The following COL18A1 variants were observed in gnomAD, a reference collection of about 807,000 sequenced individuals.
COL18A1 encodes the protein collagen alpha-1(XVIII) chain.
A neutral mutation model predicts 168.0 loss-of-function variants in COL18A1; 133 were observed. That is an observed-to-expected ratio of 0.79 (90% CI 0.69 to 0.91). The LOEUF (loss-of-function observed/expected upper bound fraction) is 0.91, where lower values mean the gene tolerates loss of function less well. COL18A1 is among the 40% of genes least tolerant of loss of function. The pLI is 0.00. For missense variants in COL18A1, 2,126 were observed against 1,925.4 expected (o/e 1.10, Z -1.95); for synonymous variants, 949 against 809.0 (o/e 1.17, Z -2.94).
Position 45,512,514 on chromosome 21 carries a change from G to T in COL18A1, c.*116G>T. Reference sequence around the variant, plus strand: ...CAGGACCTGGCTGCCATACTTTCCTGTATAGTTCACGTTTCATGTAATCCT... The same window carrying T: ...CAGGACCTGGCTGCCATACTTTCCTTTATAGTTCACGTTTCATGTAATCCT... On this transcript the variant is annotated 3_prime_UTR_variant, in exon 42 of 42. Coordinates refer to ENST00000651438, the MANE Select transcript of COL18A1 (RefSeq NM_001379500.1). The T allele has an allele frequency of 1.1e-6, 1 of 910,348 alleles. No homozygotes were observed. Among genetic ancestry groups the T allele is most frequent in the South Asian group, 1.4e-5 (1 of 69,058 alleles). 56.4% of individuals were successfully genotyped at this position (910,348 alleles called of 1,614,324 possible). A position where few individuals can be genotyped will look rare whatever the true frequency, so the allele number is the denominator to read the frequency against.
At chr21:45,452,806 T>C (rs1602413370) in intron 2 of COL18A1, among the ~76,000 whole-genome samples, 1 of 151,960 alleles carries the variant, frequency 6.6e-6, no homozygotes, top group Admixed American at 6.5e-5. Flanking sequence ...ACATATGTGA[T>C]TGTGTATGCA....
Position 45,512,854 on chromosome 21 carries a change from A to G in COL18A1, c.*456A>G, listed in dbSNP as rs1184107289. 1.1e-5 allele frequency: 3 copies of G among 269,924 alleles called. No homozygotes were observed. The highest frequency in any genetic ancestry group is 1.0e-4 in the East Asian group (1 of 9,694). 16.7% of individuals were successfully genotyped at this position (269,924 alleles called of 1,614,324 possible). ...GTGAGGCAATGGGAGCTGAGGCCAC[A>G]CTCAGCACAAGGCCATCTGGGCTCC... On this transcript the variant is annotated 3_prime_UTR_variant, in exon 42 of 42. Transcript: ENST00000651438.
chr21:45,479,568 C>T (rs111607143), intron 9 of COL18A1, among the ~76,000 whole-genome samples: 157 of 114,668 alleles, frequency 1.4e-3, no homozygotes, highest in African/African-American at 5.7e-3. Flanking sequence ...CACACATGTA[C>T]ACACCACACT....
intron 31 of COL18A1, among the ~76,000 whole-genome samples, chr21:45,497,294 G>A (rs967404100): frequency 6.6e-6 from 1 of 152,232 alleles, no homozygotes; most frequent in Non-Finnish European, 1.5e-5. Context: ...CTGACCTTGG[G>A]GTGGCCCCCA....
chr21:45,483,637 C>T (rs1036040020), intron 15 of COL18A1, among the ~76,000 whole-genome samples: 2 of 152,128 alleles, frequency 1.3e-5, no homozygotes, highest in East Asian at 1.9e-4. Flanking sequence ...TTCCGTGGGC[C>T]GCCCACTCGA....
intron 25 of COL18A1, 125 bp downstream of exon 25, chr21:45,493,350 A>G: frequency 7.7e-7 from 1 of 1,290,496 alleles, no homozygotes; most frequent in East Asian, 2.5e-5. Context: ...CGTGAGGGGT[A>G]CATCCCTGCT....
In COL18A1 at chr21:45,476,334, C is replaced by T. The variant is rs1471115836; in HGVS notation, c.799-17C>T. 2 of 1,613,830 alleles carry T rather than the reference C, an allele frequency of 1.2e-6. No homozygotes were observed. The highest frequency in any genetic ancestry group is 1.7e-5 in the Admixed American group (1 of 60,022). On this transcript the variant is annotated splice_polypyrimidine_tract_variant and intron_variant, in intron 5 of 41. Coordinates refer to ENST00000651438, the MANE Select transcript of COL18A1 (RefSeq NM_001379500.1). Reference sequence around the variant, plus strand: ...CTGCCGGCCGAATAACAGGCCACCTCCCCTCTCGTCCTCCAGGGCGCGGCC... The same window carrying T: ...CTGCCGGCCGAATAACAGGCCACCTTCCCTCTCGTCCTCCAGGGCGCGGCC...
intron 39 of COL18A1, 91 bp downstream of exon 39, chr21:45,509,692 G>A (rs2037456954): frequency 4.9e-6 from 4 of 809,402 alleles, no homozygotes; most frequent in Non-Finnish European, 8.2e-6. Context: ...GCTGCTGGGG[G>A]TCCCAGGCTT....
Position 45,506,022 on chromosome 21 carries a change from G to C in COL18A1, c.3216+56G>C. 3 of 1,611,578 alleles carry C rather than the reference G, an allele frequency of 1.9e-6. No homozygotes were observed. The South Asian group carries it at 3.3e-5, about 18-fold the overall frequency. ...CGTGGAAGGGCCGAAGCCGCCTCCT[G>C]GGGCTTAAGGAAGGCGAGAGGCTCA... On this transcript the variant is annotated intron_variant, in intron 37 of 41. Transcript: ENST00000651438.
chr21:45,493,804 C>A (rs2036442233), intron 26 of COL18A1: 2 of 568,042 alleles, frequency 3.5e-6, no homozygotes, highest in Non-Finnish European at 6.3e-6. Context: ...TACCCCTGAG[C>A]CCACCCTGCT....
rs572871100 is a variant in COL18A1 at position 45,451,118 on chromosome 21, C to T, written c.107-17124C>T. ...CTGTTAGCCTCAGGCTCCTCAGGAG[C>T]GGGCAGGTCATGATAACAAGAGTGG... is the stretch of plus-strand genomic sequence containing the variant. On this transcript the variant is annotated intron_variant, in intron 2 of 41. Transcript: ENST00000651438. Among the ~76,000 whole-genome samples the T allele has an allele frequency of 5.9e-4, 90 of 152,334 alleles. No homozygotes were observed. The East Asian group carries it at 9.3e-3, about 16-fold the overall frequency.
chr21:45,510,637 C>T (rs957455110), intron 40 of COL18A1, among the ~76,000 whole-genome samples: 47 of 152,338 alleles, frequency 3.1e-4, no homozygotes, highest in Admixed American at 2.0e-3. Flanking sequence ...TAGTGCCATG[C>T]GGGCTGGTGG....
intron 2 of COL18A1, among the ~76,000 whole-genome samples, chr21:45,437,067 G>A (rs927995162): frequency 6.6e-6 from 1 of 151,972 alleles, no homozygotes; most frequent in African/African-American, 2.4e-5. Context: ...GAGGGTGTGT[G>A]CTGTTCACAC....
At chr21:45,475,191 T>A (rs1206906036) in intron 4 of COL18A1, among the ~76,000 whole-genome samples, 2 of 152,052 alleles carry the variant, frequency 1.3e-5, no homozygotes, top group Non-Finnish European at 2.9e-5. Context: ...AGGAGCGCGT[T>A]CCCCCTCCCG....
intron 2 of COL18A1, chr21:45,467,185 G>A: frequency 8.4e-6 from 8 of 957,362 alleles, no homozygotes; most frequent in Non-Finnish European, 9.9e-6. Flanking sequence ...CCTTGAGTGG[G>A]TGCTGCCCCC....
rs113259422 is a variant in COL18A1, at chr21:45,475,226, G to A, written c.739-250G>A. On this transcript the variant is annotated intron_variant, in intron 4 of 41. Transcript: ENST00000651438. Reference sequence around the variant, plus strand: ...GCCTCCGCATGTCTGACCACCGGCCGAGGCAGGTTCAGAAGCGTCACTGTC... The same window carrying A: ...GCCTCCGCATGTCTGACCACCGGCCAAGGCAGGTTCAGAAGCGTCACTGTC... Among the ~76,000 whole-genome samples the A allele has an allele frequency of 1.1e-4, 17 of 152,334 alleles. No homozygotes were observed. In the East Asian group the frequency reaches 1.5e-3, roughly 14 times the overall value.
chr21:45,492,554 C>G lies in COL18A1; in HGVS notation c.2177C>G (p.Pro726Arg), dbSNP rs758130407. ...GGACAGGGATCCGTCCTGAGCGTGC[C>G]GGGACCTGAGGTATGTGCCTGCCCA... ...SEQDGSVLSV[P>R]GPEGRPGFAG... Residue 726 changes from proline (P) to arginine (R), a missense_variant, in exon 23 of 42, where the codon CCG (proline) becomes CGG (arginine). Pro to Arg is a moderately radical substitution (Grantham distance 103). Coordinates refer to ENST00000651438, the MANE Select transcript of COL18A1 (RefSeq NM_001379500.1). 1.1e-5 allele frequency: 18 copies of G among 1,613,110 alleles called. No individual in the cohort carries two copies. The highest frequency in any genetic ancestry group is 1.7e-5 in the Admixed American group (1 of 60,000).
chr21:45,446,689 G>C (rs2034511836), intron 2 of COL18A1, among the ~76,000 whole-genome samples: 1 of 152,094 alleles, frequency 6.6e-6, no homozygotes, highest in African/African-American at 2.4e-5. Flanking sequence ...ATCAGACAAA[G>C]ACATTGCCAA....
intron 32 of COL18A1, among the ~76,000 whole-genome samples, chr21:45,502,089 A>G (rs141528378): frequency 0.17 from 16,110 of 96,550 alleles, 2,476 homozygotes; most frequent in African/African-American, 0.38. Flanking sequence ...CAGGGGCTCC[A>G]CAGCCGGTCA....
Sources: gnomAD v4.1 joint callset for allele counts (sites outside exome capture counted in the v4.1 genomes callset) on GRCh38, gnomAD v4.1.1 for gene constraint, MANE v1.5 for transcripts, NCBI Gene and HGNC (gene_info 2026-07-23, HGNC 2026-07-21) for gene names.